The following PLXNA4 variants were observed in gnomAD, a reference collection of about 807,000 sequenced individuals.
PLXNA4 encodes the protein plexin-A4.
In PLXNA4, 44 loss-of-function variants were observed where a neutral mutation model predicts 191.8. That is an observed-to-expected ratio of 0.23 (90% CI 0.18 to 0.29). The LOEUF (loss-of-function observed/expected upper bound fraction) is 0.29. Among genes scored for constraint, PLXNA4 ranks in the 10% least tolerant of loss-of-function variants. The pLI, the probability that PLXNA4 is intolerant of heterozygous loss-of-function variation, is 1.00. For synonymous variants in PLXNA4, 1,082 were observed against 1,009.5 expected (o/e 1.07, Z -1.36); for missense variants, 1,800 against 2,488.8 (o/e 0.72, Z 5.89).
chr7:132,392,664 C>T (rs962567224), intron 3 of PLXNA4, among the ~76,000 whole-genome samples: 3 of 152,222 alleles, frequency 2.0e-5, no homozygotes, highest in African/African-American at 7.2e-5. Flanking sequence ...TTGCTGTATG[C>T]CCTGTTTCAC....
At chr7:132,298,553 C>T (rs1409028862) in intron 3 of PLXNA4, among the ~76,000 whole-genome samples, 1 of 152,226 alleles carries the variant, frequency 6.6e-6, no homozygotes, top group Admixed American at 6.5e-5. Flanking sequence ...GGAGGAACAA[C>T]ATGTAATTGA....
At chr7:132,514,307 T>C (rs1798855369) in intron 1 of PLXNA4, among the ~76,000 whole-genome samples, 1 of 152,126 alleles carries the variant, frequency 6.6e-6, no homozygotes, top group South Asian at 2.1e-4. Flanking sequence ...CGCCTCGGCC[T>C]CCCAAAGTGC....
At chr7:132,311,189 T>C (rs1479634410) in intron 3 of PLXNA4, among the ~76,000 whole-genome samples, 22 of 133,912 alleles carry the variant, frequency 1.6e-4, no homozygotes, top group South Asian at 1.4e-3. Flanking sequence ...TGTGTGTGTG[T>C]GTGTGCGCGT....
chr7:132,443,422 C>T (rs182678927), intron 3 of PLXNA4, among the ~76,000 whole-genome samples: 200 of 152,246 alleles, frequency 1.3e-3, no homozygotes, highest in Non-Finnish European at 2.5e-3. Context: ...TCAAGTCTGC[C>T]GATACTCTGT....
chr7:132,619,811 T>C (rs1284877314), intron 2 of PLXNA4, among the ~76,000 whole-genome samples: 1 of 152,170 alleles, frequency 6.6e-6, no homozygotes, highest in African/African-American at 2.4e-5. Context: ...TTTTCTTTTT[T>C]GGTTTTTGAG....
intron 3 of PLXNA4, among the ~76,000 whole-genome samples, chr7:132,407,576 G>T (rs77437841): frequency 0.016 from 2,389 of 152,270 alleles, 66 homozygotes; most frequent in African/African-American, 0.055. Flanking sequence ...CTGCATCCCA[G>T]CATGCCCCCT....
chr7:132,145,403 TG>T, intron 28 of PLXNA4, 115 bp from the exon 29 acceptor site: 1 of 1,376,800 alleles, frequency 7.3e-7, no homozygotes, highest in South Asian at 1.4e-5. Context: ...CCACCCTACT[TG>T]GGTAAAATTG....
At chr7:132,168,058 A>C (rs1193543090) in intron 22 of PLXNA4, among the ~76,000 whole-genome samples, 1 of 152,194 alleles carries the variant, frequency 6.6e-6, no homozygotes, top group East Asian at 1.9e-4. Context: ...GGAAAAATGG[A>C]GATTCGACAA....
chr7:132,573,682 T>C lies in PLXNA4; in HGVS notation c.-87+2740A>G, dbSNP rs542695332. ...GGAGAAAGGAAACAAGTTGACTGCC[T>C]TGGAGTCCTCCAGAAATGTCTGCAG... On this transcript the variant is annotated intron_variant, in intron 1 of 31. Coordinates refer to ENST00000321063, the MANE Select transcript of PLXNA4 (RefSeq NM_020911.2). Among the ~76,000 whole-genome samples the C allele has an allele frequency of 3.3e-5, 5 of 152,254 alleles. No homozygotes were observed. The South Asian group carries it at 1.0e-3, about 32-fold the overall frequency.
chr7:132,561,650 TTCC>T lies in PLXNA4; in HGVS notation c.-87+14769_-87+14771del, dbSNP rs1275725335. ...CTTCCTCCTCCTCCTTCTCCTCCTC[TTCC>T]TCCTTTTCCTCATCCTCCTCCTTCT... On this transcript the variant is annotated intron_variant, in intron 1 of 31. Transcript: ENST00000321063. 2.7e-3 allele frequency among the ~76,000 whole-genome samples: 240 copies of T among 90,088 alleles called. 3 individuals carry two copies. The highest frequency in any genetic ancestry group is 9.9e-3 in the African/African-American group (228 of 23,022). The allele number at this position is 90,088 out of a possible 152,430, so 59.1% of individuals were successfully genotyped here.
chr7:132,630,082 C>G (rs780230548), intron 2 of PLXNA4, among the ~76,000 whole-genome samples: 8 of 152,128 alleles, frequency 5.3e-5, no homozygotes, highest in Non-Finnish European at 1.0e-4. Context: ...AATCTCCTGA[C>G]CTTGTGATCC....
At position 132,576,138 on chromosome 7, in the gene PLXNA4, T is replaced by C. The variant is rs1802217720; in HGVS notation, c.-87+284A>G. Among the ~76,000 whole-genome samples, 1 of 151,928 alleles carries C rather than the reference T, an allele frequency of 6.6e-6. No individual in the cohort carries two copies. Among genetic ancestry groups the C allele is most frequent in the Non-Finnish European group, 1.5e-5 (1 of 67,968 alleles). On this transcript the variant is annotated intron_variant, in intron 1 of 31. Coordinates refer to ENST00000321063, the MANE Select transcript of PLXNA4 (RefSeq NM_020911.2). The surrounding 1 kb of genome is among the most constrained non-coding windows in gnomAD (Gnocchi z 5.8). ...AATACACAGAATCCCACCCCGAAAG[T>C]CCCGGGAAAGAGAAGTCTGAGTCCA...
chr7:132,363,429 G>A (rs940279861), intron 3 of PLXNA4, among the ~76,000 whole-genome samples: 3 of 152,172 alleles, frequency 2.0e-5, no homozygotes, highest in African/African-American at 7.2e-5. Flanking sequence ...TCATATGAGT[G>A]GAATCACACA....
intron 1 of PLXNA4, among the ~76,000 whole-genome samples, chr7:132,534,337 C>T (rs915219269): frequency 6.6e-6 from 1 of 152,174 alleles, no homozygotes; most frequent in African/African-American, 2.4e-5. Context: ...ACTACTTCCA[C>T]CATTAGACCC....
chr7:132,336,350 A>T (rs922650798), intron 3 of PLXNA4, among the ~76,000 whole-genome samples: 3 of 152,138 alleles, frequency 2.0e-5, no homozygotes, highest in Non-Finnish European at 4.4e-5. Context: ...GGCAACACAC[A>T]TCTTTGTCCT....
Position 132,136,797 on chromosome 7 carries a change from G to A in PLXNA4, c.5439-3598C>T, listed in dbSNP as rs118125734. 7.2e-3 allele frequency among the ~76,000 whole-genome samples: 1,100 copies of A among 152,296 alleles called. 12 individuals carry two copies. The highest frequency in any genetic ancestry group is 0.061 in the Middle Eastern group (18 of 294). Reference sequence around the variant, plus strand: ...GTTGGCATTCCTCCACACACCTCGAGGATGAAGATGCAGGAGTGAAAGATA... The same window carrying A: ...GTTGGCATTCCTCCACACACCTCGAAGATGAAGATGCAGGAGTGAAAGATA... On this transcript the variant is annotated intron_variant, in intron 30 of 31. Transcript: ENST00000321063.
intron 2 of PLXNA4, among the ~76,000 whole-genome samples, chr7:132,608,639 C>T (rs979157090): frequency 3.9e-5 from 6 of 152,142 alleles, no homozygotes; most frequent in Admixed American, 3.3e-4. Flanking sequence ...ATGGAGACTT[C>T]AATCCGTTCC....
intron 3 of PLXNA4, among the ~76,000 whole-genome samples, chr7:132,423,361 T>A (rs1794918426): frequency 6.6e-6 from 1 of 152,198 alleles, no homozygotes; most frequent in African/African-American, 2.4e-5. Flanking sequence ...AGCTGGGAAG[T>A]GGAAAGCTAG....
chr7:132,334,360 T>G (rs1034754376), intron 3 of PLXNA4, among the ~76,000 whole-genome samples: 3 of 148,138 alleles, frequency 2.0e-5, no homozygotes, highest in African/African-American at 7.5e-5. Context: ...CAGGCTCAGA[T>G]GATCCTCCTG....
Sources: allele counts gnomAD v4.1 joint callset (sites outside exome capture counted in the v4.1 genomes callset), GRCh38; gene constraint gnomAD v4.1.1; non-coding constraint Gnocchi (gnomAD v3.1); transcripts MANE v1.5; gene names NCBI Gene and HGNC (gene_info 2026-07-23, HGNC 2026-07-21).